The following LGSN variants were observed in gnomAD, a reference collection of about 807,000 sequenced individuals.
LGSN encodes lengsin.
LGSN carries 21 observed loss-of-function variants against 19.5 expected under a neutral mutation model. That is an observed-to-expected ratio of 1.07 (90% CI 0.76 to 1.55). The LOEUF is 1.55. Ranked by LOEUF, LGSN falls within the 40% of genes most tolerant of loss-of-function variation. The pLI, the probability that LGSN is intolerant of heterozygous loss-of-function variation, is 0.00. For missense variants in LGSN, 673 were observed against 608.5 expected, an observed-to-expected ratio of 1.11 and a Z score of -1.12; for synonymous variants, 257 against 215.6, an observed-to-expected ratio of 1.19 and a Z score of -1.68.
the LGSN span, chr6:63,443,519 C>T: frequency 1.6e-6 from 1 of 626,052 alleles, no homozygotes; most frequent in Non-Finnish European, 2.1e-6. Context: ...TGAACACCAT[C>T]TGTGACAATG....
the LGSN span, among the ~76,000 whole-genome samples, chr6:63,531,833 T>G: frequency 6.8e-6 from 1 of 146,016 alleles, no homozygotes; most frequent in Admixed American, 6.8e-5. Flanking sequence ...CACATACACT[T>G]TTTTTTTTTT....
the LGSN span, among the ~76,000 whole-genome samples, chr6:63,458,362 C>T: frequency 1.1e-4 from 16 of 152,300 alleles, no homozygotes; most frequent in South Asian, 1.0e-3. Flanking sequence ...CCATCGGGCC[C>T]GGCTAGCCTT....
At chr6:63,442,896 C>T in the LGSN span, among the ~76,000 whole-genome samples, 71,473 of 152,082 alleles carry the variant, frequency 0.47, 17,953 homozygotes, top group Non-Finnish European at 0.53. Flanking sequence ...CAGCTGGCTT[C>T]GCCTAGTGGA....
At chr6:63,423,101 C>G in the LGSN span, among the ~76,000 whole-genome samples, 1 of 152,144 alleles carries the variant, frequency 6.6e-6, no homozygotes, top group African/African-American at 2.4e-5. Context: ...AATCCCAACA[C>G]TTTGGGAGGT....
At chr6:63,468,149 A>G in the LGSN span, among the ~76,000 whole-genome samples, 5 of 152,132 alleles carry the variant, frequency 3.3e-5, no homozygotes, top group African/African-American at 1.2e-4. Flanking sequence ...TATTTATTTG[A>G]GACAGAGTTT....
the LGSN span, among the ~76,000 whole-genome samples, chr6:63,483,329 TCATG>T: frequency 6.6e-6 from 1 of 151,950 alleles, no homozygotes; most frequent in East Asian, 1.9e-4. Flanking sequence ...TCTAAATACT[TCATG>T]GATTTCAAAC....
At chr6:63,491,144 T>A in the LGSN span, among the ~76,000 whole-genome samples, 1 of 152,210 alleles carries the variant, frequency 6.6e-6, no homozygotes, top group Non-Finnish European at 1.5e-5. Context: ...AGGGTAGGGT[T>A]AACCAGCACC....
the LGSN span, among the ~76,000 whole-genome samples, chr6:63,568,670 A>C: frequency 0.054 from 8,246 of 151,878 alleles, 311 homozygotes; most frequent in East Asian, 0.16. Context: ...AAAAAAAAAA[A>C]CAATATTTGC....
chr6:63,472,412 T>G, the LGSN span, among the ~76,000 whole-genome samples: 2 of 152,218 alleles, frequency 1.3e-5, no homozygotes, highest in African/African-American at 4.8e-5. Context: ...TGGATTTTAG[T>G]GATTCTTGAA....
chr6:63,304,035 T>G (rs1768282137), intron 1 of LGSN, among the ~76,000 whole-genome samples: 1 of 152,220 alleles, frequency 6.6e-6, no homozygotes, highest in Non-Finnish European at 1.5e-5. Context: ...AACAACACAG[T>G]GGGAAAAGGG....
chr6:63,452,967 A>G, the LGSN span, among the ~76,000 whole-genome samples: 5 of 152,116 alleles, frequency 3.3e-5, no homozygotes, highest in Admixed American at 6.6e-5. Context: ...GGGTCACACT[A>G]ACAAATCCTA....
chr6:63,304,679 G>A (rs1768312306), intron 1 of LGSN, among the ~76,000 whole-genome samples: 1 of 152,092 alleles, frequency 6.6e-6, no homozygotes, highest in Non-Finnish European at 1.5e-5. Context: ...CCAAATTCTT[G>A]GTATGCTCCT....
At chr6:63,547,498 A>ATTT in the LGSN span, among the ~76,000 whole-genome samples, 1 of 90,788 alleles carries the variant, frequency 1.1e-5, no homozygotes, top group Non-Finnish European at 2.2e-5. Flanking sequence ...CCAGGGGGGA[A>ATTT]TTTTTTTTTT....
At chr6:63,348,789 C>T in the LGSN span, among the ~76,000 whole-genome samples, 2 of 135,284 alleles carry the variant, frequency 1.5e-5, no homozygotes, top group South Asian at 4.7e-4. Flanking sequence ...TGGGGTCTTG[C>T]TGTGTTGCCC....
the LGSN span, among the ~76,000 whole-genome samples, chr6:63,509,155 C>T: frequency 3.8e-4 from 58 of 151,620 alleles, no homozygotes; most frequent in African/African-American, 5.8e-4. Context: ...ACCTCCACCC[C>T]CTAGGTTCAA....
chr6:63,340,232 G>A, the LGSN span, among the ~76,000 whole-genome samples: 1 of 152,020 alleles, frequency 6.6e-6, no homozygotes. Flanking sequence ...TGACTATAAT[G>A]TGCCTTGGAG....
chr6:63,277,979 CAGG>C lies in LGSN; in HGVS notation c.*2039_*2041del, dbSNP rs1767145195. On this transcript the variant is annotated 3_prime_UTR_variant, in exon 4 of 4. Coordinates refer to ENST00000370657, the MANE Select transcript of LGSN (RefSeq NM_016571.3). ...ATCCCAGCTACTTGGGAGGCTGAGG[CAGG>C]AGAATTACTTGAACCCAGGGGGCAG... is the stretch of plus-strand genomic sequence containing the variant. 6.6e-6 allele frequency: 1 copy of C among 151,500 alleles called. No homozygotes were observed. The highest frequency in any genetic ancestry group is 2.1e-4 in the South Asian group (1 of 4,820). 9.4% of individuals were successfully genotyped at this position (151,500 alleles called of 1,614,324 possible). A position where few individuals can be genotyped will look rare whatever the true frequency, so the allele number is the denominator to read the frequency against.
At chr6:63,573,405 T>G in the LGSN span, 1 of 152,218 alleles carries the variant, frequency 6.6e-6, no homozygotes, top group Admixed American at 6.5e-5. Context: ...AGCTACACTC[T>G]TGTGCTCGAC....
At chr6:63,546,261 T>G in the LGSN span, among the ~76,000 whole-genome samples, 49 of 152,238 alleles carry the variant, frequency 3.2e-4, no homozygotes, top group South Asian at 1.2e-3. Context: ...GGAGGACATT[T>G]TGCTAAGTGA....
Sources: gnomAD v4.1 joint callset for allele counts (sites outside exome capture counted in the v4.1 genomes callset) on GRCh38, gnomAD v4.1.1 for gene constraint, MANE v1.5 for transcripts, NCBI Gene and HGNC (gene_info 2026-07-23, HGNC 2026-07-21) for gene names.